OSCAR: variants seen among roughly 807,000 people sequenced by gnomAD.
The protein encoded by OSCAR is osteoclast-associated immunoglobulin-like receptor.
Under a neutral mutation model 27.3 loss-of-function variants are expected in OSCAR, and 25 were observed. The ratio of observed to expected loss-of-function variants is 0.92; its 90% CI spans 0.67 to 1.28. The LOEUF is 1.28. Ranked by LOEUF, OSCAR falls within the 50% of genes most tolerant of loss-of-function variation. The pLI, the probability that OSCAR is intolerant of heterozygous loss-of-function variation, is 0.00. For synonymous variants in OSCAR, 158 were observed against 165.7 expected, an observed-to-expected ratio of 0.95 and a Z score of 0.36; for missense variants, 354 against 355.1, an observed-to-expected ratio of 1.00 and a Z score of 0.03.
intron 1 of OSCAR, 105 bp from the exon 2 acceptor site, chr19:54,099,885 T>G: frequency 7.6e-7 from 1 of 1,322,058 alleles, no homozygotes; most frequent in South Asian, 1.5e-5. Flanking sequence ...TGATCTCAGC[T>G]CACTGCAACC....
At chr19:54,095,840 G>C in intron 4 of OSCAR, 32 bp downstream of exon 4, 2 of 1,551,374 alleles carry the variant, frequency 1.3e-6, no homozygotes, top group Non-Finnish European at 1.7e-6. Context: ...TTCCTGGGGC[G>C]GAGGAGGCGG....
intron 2 of OSCAR, 107 bp from the exon 3 acceptor site, chr19:54,097,271 C>T: frequency 1.7e-6 from 2 of 1,157,734 alleles, no homozygotes; most frequent in Non-Finnish European, 2.4e-6. Flanking sequence ...CTGCCCCTTT[C>T]TTAGCCTCAG....
chr19:54,099,068 T>TTTG (rs1491252570), intron 2 of OSCAR, among the ~76,000 whole-genome samples: 42 of 150,878 alleles, frequency 2.8e-4, no homozygotes, highest in African/African-American at 8.8e-4. Context: ...TTTTTGTTTG[T>TTTG]TTGTTTGTTT....
At chr19:54,099,662 G>A in intron 2 of OSCAR, 86 bp downstream of exon 2, 2 of 1,613,806 alleles carry the variant, frequency 1.2e-6, no homozygotes, top group Non-Finnish European at 1.7e-6. Context: ...GGATATCTGG[G>A]ATGGGATTGG....
rs183518925 is a variant in OSCAR at position 54,095,332 on chromosome 19, C to T, written c.681G>A (p.Arg227=). ...CCAGCCCCAGGCGGACTAGGTTCCC[C>T]CGGGTGTAGTCGGAGGAGCCAGAGT... ...WEDSGSSDYT[R]GNLVRLGLAG... is the part of the protein sequence containing the mutation. The change falls in exon 5 of 5, where the codon CGG becomes CGA. Residue 227 remains arginine (R), a synonymous_variant. Transcript: ENST00000358375. The T allele has an allele frequency of 2.5e-4, 387 of 1,572,712 alleles. No individual in the cohort carries two copies. The highest frequency in any genetic ancestry group is 2.9e-4 in the Non-Finnish European group (341 of 1,159,278).
intron 1 of OSCAR, among the ~76,000 whole-genome samples, chr19:54,100,064 G>A (rs587776217): frequency 5.3e-5 from 8 of 152,108 alleles, no homozygotes; most frequent in South Asian, 4.2e-4. Flanking sequence ...CACCCGCCTC[G>A]GCCTCCCAAA....
Position 54,096,031 on chromosome 19 carries a change from C to T in OSCAR, c.496G>A (p.Val166Met). The T allele has an allele frequency of 3.2e-6, 5 of 1,562,466 alleles. 1 individual carries two copies. The South Asian group carries it at 5.8e-5, about 18-fold the overall frequency. ...TGGCGGTACTGCAGCGGGGCCGCCA[C>T]GCCCTCGCGGTACAGCACGAAGCTC... ...NMSFVLYREG[V>M]AAPLQYRHSA... The change falls in exon 4 of 5, where the codon GTG becomes ATG. Residue 166 changes from valine (V) to methionine (M), a missense_variant. Physicochemically the swap from Val to Met is conservative, Grantham distance 21. Transcript: ENST00000358375.
intron 3 of OSCAR, among the ~76,000 whole-genome samples, chr19:54,096,442 G>A (rs1260216117): frequency 8.0e-6 from 1 of 124,508 alleles, no homozygotes; most frequent in Non-Finnish European, 1.6e-5. Flanking sequence ...CTCTCTCTCT[G>A]CCTGCCTCTC....
At position 54,096,038 on chromosome 19, in the gene OSCAR, G is replaced by T. The variant is rs2072660563; in HGVS notation, c.489C>A (p.Arg163=). The part of the protein sequence containing the change: ...RLRNMSFVLY[R]EGVAAPLQYR... ...ACTGCAGCGGGGCCGCCACGCCCTC[G>T]CGGTACAGCACGAAGCTCATGTTCC... The change falls in exon 4 of 5, where the codon CGC becomes CGA. Residue 163 remains arginine, a synonymous_variant. Coordinates refer to ENST00000358375, the MANE Select transcript of OSCAR (RefSeq NM_133169.6). The T allele has an allele frequency of 1.9e-6, 3 of 1,559,394 alleles. No individual in the cohort carries two copies. The Admixed American group carries it at 5.7e-5, about 30-fold the overall frequency.
rs2072555707 is a variant in OSCAR at position 54,095,069 on chromosome 19, A to C, written c.*152T>G. On this transcript the variant is annotated 3_prime_UTR_variant, in exon 5 of 5. Transcript: ENST00000358375. ...TACTCCTTGGGAAAGGCCTGGAAAG[A>C]AGCTACAGCACAGGGCACAGCGGGG... 7.9e-7 allele frequency: 1 copy of C among 1,268,906 alleles called. No homozygotes were observed. Among genetic ancestry groups the C allele is most frequent in the Non-Finnish European group, 1.0e-6 (1 of 959,240 alleles). 78.6% of individuals were successfully genotyped at this position (1,268,906 alleles called of 1,614,324 possible).
intron 3 of OSCAR, 59 bp downstream of exon 3, chr19:54,096,803 T>C (rs1351678813): frequency 2.6e-6 from 4 of 1,551,580 alleles, no homozygotes; most frequent in African/African-American, 2.7e-5. Context: ...TATATCTCTC[T>C]GTCCCTCCCC....
At chr19:54,098,052 CT>C (rs1234028736) in intron 2 of OSCAR, among the ~76,000 whole-genome samples, 11 of 151,126 alleles carry the variant, frequency 7.3e-5, no homozygotes, top group African/African-American at 2.4e-4. Flanking sequence ...CCCTGTGTTT[CT>C]TTTTTTTTAA....
Position 54,096,076 on chromosome 19 carries a change from C to T in OSCAR, c.451G>A (p.Ala151Thr). The part of the protein sequence containing the change: ...GPGANVSLRC[A>T]GRLRNMSFVL... ...AAGCTCATGTTCCGCAGGCGGCCCG[C>T]GCAGCGCAGGCTCACGTTGGCGCCA... The change falls in exon 4 of 5, where the codon GCG becomes ACG. Residue 151 changes from alanine (A) to threonine (T), a missense_variant. Transcript: ENST00000358375. 6.5e-7 allele frequency: 1 copy of T among 1,536,380 alleles called. No individual in the cohort carries two copies. Among genetic ancestry groups the T allele is most frequent in the Non-Finnish European group, 8.7e-7 (1 of 1,146,660 alleles).
chr19:54,100,104 G>A (rs1436529972), intron 1 of OSCAR, among the ~76,000 whole-genome samples: 1 of 152,168 alleles, frequency 6.6e-6, no homozygotes, highest in Non-Finnish European at 1.5e-5. Context: ...ACAGGCATGA[G>A]CCGCTGCGCC....
chr19:54,099,255 G>GTTTT (rs1555783369), intron 2 of OSCAR, among the ~76,000 whole-genome samples: 4 of 22,090 alleles, frequency 1.8e-4, no homozygotes, highest in Non-Finnish European at 3.9e-4. Context: ...TTTTTTTTTA[G>GTTTT]TAGAGACGGG....
intron 1 of OSCAR, among the ~76,000 whole-genome samples, chr19:54,099,986 T>C (rs1185829599): frequency 6.6e-6 from 1 of 152,082 alleles, no homozygotes; most frequent in Non-Finnish European, 1.5e-5. Context: ...CTAATCTTTG[T>C]ATTTTTAGTA....
At chr19:54,100,288 A>G (rs1323254059) in intron 1 of OSCAR, among the ~76,000 whole-genome samples, 3 of 152,200 alleles carry the variant, frequency 2.0e-5, no homozygotes, top group Non-Finnish European at 4.4e-5. Flanking sequence ...AAGAAGTCTG[A>G]ACGCAGACCC....
chr19:54,095,280 C>G lies in OSCAR; in HGVS notation c.733G>C (p.Ala245Pro). 6.2e-7 allele frequency: 1 copy of G among 1,602,402 alleles called. No homozygotes were observed. The highest frequency in any genetic ancestry group is 8.5e-7 in the Non-Finnish European group (1 of 1,175,186). ...LAGLVLISLG[A>P]LVTFDWRSQN... ...CTGCGCCAGTCAAAAGTGACCAGCGCGCCCAGGGAGATGAGGACCAGCCCG... is the reference window on the plus strand; with the variant it reads ...CTGCGCCAGTCAAAAGTGACCAGCGGGCCCAGGGAGATGAGGACCAGCCCG... The change falls in exon 5 of 5, where the codon GCG (alanine) becomes CCG (proline). Residue 245 changes from alanine (A) to proline (P), a missense_variant. Physicochemically the swap from Ala to Pro is conservative, Grantham distance 27 (BLOSUM62 -1). Coordinates refer to ENST00000358375, the MANE Select transcript of OSCAR (RefSeq NM_133169.6).
chr19:54,097,255 C>T (rs2072797367), intron 2 of OSCAR, 91 bp from the exon 3 acceptor site: 1 of 1,272,618 alleles, frequency 7.9e-7, no homozygotes, highest in Non-Finnish European at 1.1e-6. Context: ...TCACCTTGGA[C>T]AATTACTGCC....
Sources: allele counts gnomAD v4.1 joint callset (sites outside exome capture counted in the v4.1 genomes callset), GRCh38; gene constraint gnomAD v4.1.1; transcripts MANE v1.5; gene names NCBI Gene and HGNC (gene_info 2026-07-23, HGNC 2026-07-21).